The following EPHA6 variants were observed in gnomAD, a reference collection of about 807,000 sequenced individuals.
EPHA6 encodes the protein ephrin type-A receptor 6.
In EPHA6, 50 loss-of-function variants were observed where a neutral mutation model predicts 112.0. That is an observed-to-expected ratio of 0.45 (90% CI 0.36 to 0.56). EPHA6 has a LOEUF of 0.56. Among genes scored for constraint, EPHA6 ranks in the 20% least tolerant of loss-of-function variants. The pLI, the probability that EPHA6 is intolerant of heterozygous loss-of-function variation, is 0.00. For missense variants in EPHA6, 1,280 were observed against 1,417.4 expected (o/e 0.90, Z 1.56); for synonymous variants, 529 against 490.7 (o/e 1.08, Z -1.03).
At chr3:97,532,876 A>G (rs1302022321) in intron 11 of EPHA6, among the ~76,000 whole-genome samples, 2 of 152,066 alleles carry the variant, frequency 1.3e-5, no homozygotes, top group Non-Finnish European at 2.9e-5. Flanking sequence ...GTTTTGGGTC[A>G]TTAAGGTAAA....
intron 5 of EPHA6, among the ~76,000 whole-genome samples, chr3:97,295,395 A>C (rs1160436101): frequency 3.3e-5 from 5 of 151,932 alleles, no homozygotes; most frequent in African/African-American, 1.2e-4. Flanking sequence ...CATTCATTGA[A>C]TGCTTCAATT....
chr3:97,078,906 G>A (rs1011647335), intron 3 of EPHA6, among the ~76,000 whole-genome samples: 14 of 152,106 alleles, frequency 9.2e-5, no homozygotes, highest in African/African-American at 3.1e-4. Flanking sequence ...TTAGAATGTT[G>A]CATCAACTTA....
chr3:96,923,075 C>T (rs879700650), intron 2 of EPHA6, among the ~76,000 whole-genome samples: 1 of 152,012 alleles, frequency 6.6e-6, no homozygotes, highest in African/African-American at 2.4e-5. Context: ...TGTCTTTGCT[C>T]TTGTGAATAG....
At chr3:97,320,144 A>G (rs2108779548) in intron 5 of EPHA6, among the ~76,000 whole-genome samples, 1 of 152,142 alleles carries the variant, frequency 6.6e-6, no homozygotes, top group African/African-American at 2.4e-5. Context: ...TATTACTCTC[A>G]GTATATAAAA....
intron 7 of EPHA6, among the ~76,000 whole-genome samples, chr3:97,461,111 TG>T (rs1477434396): frequency 6.6e-6 from 1 of 152,124 alleles, no homozygotes; most frequent in Non-Finnish European, 1.5e-5. Context: ...ACTAGGCAAC[TG>T]GCAAAAACTT....
intron 10 of EPHA6, among the ~76,000 whole-genome samples, chr3:97,505,253 A>G (rs756228675): frequency 2.0e-5 from 3 of 152,176 alleles, no homozygotes; most frequent in Non-Finnish European, 2.9e-5. Flanking sequence ...AGTTTGCTAC[A>G]TATGTATACA....
intron 5 of EPHA6, among the ~76,000 whole-genome samples, chr3:97,399,397 T>C (rs1287591807): frequency 6.6e-6 from 1 of 151,600 alleles, no homozygotes; most frequent in Non-Finnish European, 1.5e-5. Context: ...ACTACTGCAA[T>C]AAACATGATG....
intron 3 of EPHA6, among the ~76,000 whole-genome samples, chr3:97,033,133 T>G (rs1379368488): frequency 6.6e-6 from 1 of 151,958 alleles, no homozygotes; most frequent in Non-Finnish European, 1.5e-5. Context: ...AGCGGTATTA[T>G]GAGGAGGCTG....
chr3:97,714,023 CTG>C (rs2034104241), intron 14 of EPHA6, among the ~76,000 whole-genome samples: 1 of 152,222 alleles, frequency 6.6e-6, no homozygotes, highest in African/African-American at 2.4e-5. Context: ...ATTACTAGAA[CTG>C]TGTCAGAGAC....
At chr3:97,619,991 G>A (rs1264194077) in intron 13 of EPHA6, among the ~76,000 whole-genome samples, 2 of 152,096 alleles carry the variant, frequency 1.3e-5, no homozygotes, top group Non-Finnish European at 2.9e-5. Flanking sequence ...AAAGCTGGAG[G>A]CATCATGCTA....
chr3:97,188,328 T>C (rs1348674680), intron 3 of EPHA6, among the ~76,000 whole-genome samples: 3 of 152,014 alleles, frequency 2.0e-5, no homozygotes, highest in African/African-American at 7.2e-5. Context: ...AGAATTAATG[T>C]AAAAAATAAA....
chr3:97,385,382 ACT>A (rs1429335443), intron 5 of EPHA6, among the ~76,000 whole-genome samples: 2 of 152,126 alleles, frequency 1.3e-5, no homozygotes, highest in African/African-American at 2.4e-5. Flanking sequence ...TATTGTAATA[ACT>A]CTATTTAAAT....
Position 96,832,472 on chromosome 3 carries a change from A to T in EPHA6, c.385+17464A>T, listed in dbSNP as rs184679762. On this transcript the variant is annotated intron_variant, in intron 1 of 17. Transcript: ENST00000389672. ...TCTGCAGTATAGACAGTAAGGAAAT[A>T]TGTAGGTGGCCTGAACTTCTAACCT... Among the ~76,000 whole-genome samples, 65 of 152,190 alleles carry T rather than the reference A, an allele frequency of 4.3e-4. 1 individual carries two copies. The highest frequency in any genetic ancestry group is 7.9e-4 in the Non-Finnish European group (54 of 67,956).
At chr3:97,470,884 C>A (rs2091210184) in intron 7 of EPHA6, among the ~76,000 whole-genome samples, 2 of 151,656 alleles carry the variant, frequency 1.3e-5, no homozygotes, top group South Asian at 4.1e-4. Context: ...AGGATCATTT[C>A]CAATCAGTGA....
At position 97,138,553 on chromosome 3, in the gene EPHA6, G is replaced by A. The variant is rs535421242; in HGVS notation, c.1115-87711G>A. Among the ~76,000 whole-genome samples, 24 of 152,298 alleles carry A rather than the reference G, an allele frequency of 1.6e-4. No individual in the cohort carries two copies. The South Asian group carries it at 4.6e-3, about 29-fold the overall frequency. The stretch of plus-strand genomic sequence containing the variant: ...GCTTCATCTGCATGTTTTAGTGGTG[G>A]CCTAGGAGTAATTCACCCCTCCCTA... On this transcript the variant is annotated intron_variant, in intron 3 of 17. Transcript: ENST00000389672.
chr3:97,408,428 C>T (rs890086298), intron 6 of EPHA6, among the ~76,000 whole-genome samples: 2 of 151,952 alleles, frequency 1.3e-5, no homozygotes, highest in African/African-American at 2.4e-5. Context: ...CTACTTTTCC[C>T]TCTTTCCTCT....
chr3:97,446,261 G>A (rs74934925), intron 6 of EPHA6, among the ~76,000 whole-genome samples: 25 of 152,220 alleles, frequency 1.6e-4, no homozygotes, highest in East Asian at 1.2e-3. Flanking sequence ...GCTGTAAGAC[G>A]TAAGACAAGG....
chr3:97,361,599 G>A (rs891648705), intron 5 of EPHA6, among the ~76,000 whole-genome samples: 1 of 152,164 alleles, frequency 6.6e-6, no homozygotes, highest in African/African-American at 2.4e-5. Context: ...ACTCTGCAGA[G>A]TATCAAGGTA....
At chr3:97,038,878 G>A (rs1317033206) in intron 3 of EPHA6, among the ~76,000 whole-genome samples, 2 of 152,046 alleles carry the variant, frequency 1.3e-5, no homozygotes, top group Admixed American at 1.3e-4. Flanking sequence ...TTTCCTTCCT[G>A]TGTGTTCAGA....
Sources: allele counts gnomAD v4.1 joint callset (sites outside exome capture counted in the v4.1 genomes callset), GRCh38; gene constraint gnomAD v4.1.1; transcripts MANE v1.5; gene names NCBI Gene and HGNC (gene_info 2026-07-23, HGNC 2026-07-21).